The following HIVEP3 variants were observed in gnomAD, a reference collection of about 807,000 sequenced individuals.
HIVEP3 encodes transcription factor HIVEP3.
Under a neutral mutation model 152.8 loss-of-function variants are expected in HIVEP3, and 49 were observed. The observed-to-expected ratio is 0.32, with a 90% CI of 0.26 to 0.41. The LOEUF (loss-of-function observed/expected upper bound fraction) is 0.41, where lower values mean the gene tolerates loss of function less well. Among genes scored for constraint, HIVEP3 ranks in the 10% least tolerant of loss-of-function variants. The pLI is 1.00. For synonymous variants in HIVEP3, 1,269 were observed against 1,289.0 expected (o/e 0.98, Z 0.33); for missense variants, 2,790 against 3,103.3 (o/e 0.90, Z 2.40).
intron 2 of HIVEP3, among the ~76,000 whole-genome samples, chr1:41,652,303 A>G (rs1482109165): frequency 6.6e-6 from 1 of 152,194 alleles, no homozygotes; most frequent in East Asian, 1.9e-4. Flanking sequence ...TCTGTTATTT[A>G]TCCTTTGCTT....
intron 1 of HIVEP3, among the ~76,000 whole-genome samples, chr1:42,022,277 C>T (rs1237852359): frequency 6.6e-6 from 1 of 152,176 alleles, no homozygotes; most frequent in Non-Finnish European, 1.5e-5. Flanking sequence ...TCTCCTTCCA[C>T]TCTGATGAGA....
intron 1 of HIVEP3, among the ~76,000 whole-genome samples, chr1:41,741,726 A>G (rs182128720): frequency 6.6e-6 from 1 of 152,346 alleles, no homozygotes; most frequent in East Asian, 1.9e-4. Context: ...GGAAACGAAC[A>G]GCCTGAATTT....
At chr1:41,620,945 C>A (rs750226799) in intron 3 of HIVEP3, among the ~76,000 whole-genome samples, 1 of 152,182 alleles carries the variant, frequency 6.6e-6, no homozygotes, top group Non-Finnish European at 1.5e-5. Flanking sequence ...GAGGACCACC[C>A]GAGGCCCTGA....
chr1:41,575,046 G>A (rs143448782), intron 5 of HIVEP3, among the ~76,000 whole-genome samples: 2 of 152,318 alleles, frequency 1.3e-5, no homozygotes, highest in African/African-American at 4.8e-5. Context: ...TCAGGATAGG[G>A]ACCAGTGGAA....
intron 3 of HIVEP3, among the ~76,000 whole-genome samples, chr1:41,612,417 C>A (rs777825611): frequency 4.6e-5 from 7 of 152,224 alleles, no homozygotes; most frequent in Non-Finnish European, 8.8e-5. Flanking sequence ...CCTTGCAGAC[C>A]TCCTGTTCAT....
At chr1:41,810,423 CTCCA>C (rs1189916592) in intron 1 of HIVEP3, among the ~76,000 whole-genome samples, 3 of 152,226 alleles carry the variant, frequency 2.0e-5, no homozygotes, top group East Asian at 1.9e-4. Context: ...ACCAAGAAGA[CTCCA>C]TCCAGAGAGA....
At position 41,582,332 on chromosome 1, in the gene HIVEP3, G is replaced by T. The variant is rs772303614; in HGVS notation, c.2466C>A (p.Asp822Glu). The T allele has an allele frequency of 5.0e-5, 80 of 1,614,044 alleles. No homozygotes were observed. Among genetic ancestry groups the T allele is most frequent in the Non-Finnish European group, 6.8e-5 (80 of 1,180,020 alleles). Reference protein sequence around the residue: ...LEQPSGLEGEDKPLAQFPSPP... With the variant: ...LEQPSGLEGEEKPLAQFPSPP... Reference sequence around the variant, plus strand: ...GTGATGGGAACTGGGCCAGAGGTTTGTCTTCCCCTTCCAAGCCACTCGGCT... The same window carrying T: ...GTGATGGGAACTGGGCCAGAGGTTTTTCTTCCCCTTCCAAGCCACTCGGCT... The change falls in exon 4 of 9, where the codon GAC becomes GAA. Residue 822 changes from aspartate to glutamate, a missense_variant. Coordinates refer to ENST00000372583, the MANE Select transcript of HIVEP3 (RefSeq NM_024503.5). This position sits in a 1 kb window ranked among gnomAD's most constrained non-coding sequence, Gnocchi z 4.7.
intron 1 of HIVEP3, among the ~76,000 whole-genome samples, chr1:41,927,639 TA>T (rs1644974647): frequency 6.6e-6 from 1 of 152,134 alleles, no homozygotes; most frequent in Non-Finnish European, 1.5e-5. Flanking sequence ...GCTGTGTAGC[TA>T]AAAACAATTG....
intron 2 of HIVEP3, among the ~76,000 whole-genome samples, chr1:41,661,660 C>T (rs761808340): frequency 6.6e-6 from 1 of 152,250 alleles, no homozygotes; most frequent in African/African-American, 2.4e-5. Flanking sequence ...CAGACTGAAA[C>T]TGCATGGCCT....
intron 3 of HIVEP3, among the ~76,000 whole-genome samples, chr1:41,622,762 G>T (rs1480263845): frequency 1.3e-5 from 2 of 152,244 alleles, no homozygotes; most frequent in Non-Finnish European, 2.9e-5. Flanking sequence ...GCTGGGATGT[G>T]CTGGAGCAGG....
chr1:41,833,647 G>A (rs1437828881), intron 1 of HIVEP3, among the ~76,000 whole-genome samples: 1 of 152,126 alleles, frequency 6.6e-6, no homozygotes, highest in Admixed American at 6.5e-5. Context: ...GCTCAAGGAG[G>A]AGCTGGACAT....
rs557054496 is a variant in HIVEP3, at chr1:41,744,160, T to A, written c.-800-43165A>T. Among the ~76,000 whole-genome samples the A allele has an allele frequency of 1.8e-3, 277 of 152,238 alleles. 1 individual carries two copies. The highest frequency in any genetic ancestry group is 6.1e-3 in the African/African-American group (254 of 41,544). ...TTCAAGCGATTCTCCTGCCTCAACCTCCCAAGTAGCTGGGACTACAGGCGC... is the reference window on the plus strand; with the variant it reads ...TTCAAGCGATTCTCCTGCCTCAACCACCCAAGTAGCTGGGACTACAGGCGC... On this transcript the variant is annotated intron_variant, in intron 1 of 8. Coordinates refer to ENST00000372583, the MANE Select transcript of HIVEP3 (RefSeq NM_024503.5).
At position 41,576,285 on chromosome 1, in the gene HIVEP3, C is replaced by G. The variant is rs116345413; in HGVS notation, c.5062-596G>C. On this transcript the variant is annotated intron_variant, in intron 4 of 8. Transcript: ENST00000372583. ...AGGACCCTGACCAGCAGGACGTCCC[C>G]AATTCCACCATAGAGACAGGCACAG... is the stretch of plus-strand genomic sequence containing the variant. 4.7e-3 allele frequency among the ~76,000 whole-genome samples: 716 copies of G among 152,318 alleles called. 6 individuals carry two copies. The highest frequency in any genetic ancestry group is 0.016 in the African/African-American group (684 of 41,578).
At chr1:41,925,877 C>A (rs904486879) in intron 1 of HIVEP3, among the ~76,000 whole-genome samples, 5 of 152,174 alleles carry the variant, frequency 3.3e-5, no homozygotes, top group Non-Finnish European at 5.9e-5. Context: ...CTACATTTCC[C>A]AGCCTGTCTT....
chr1:41,678,116 T>C (rs866728496), intron 2 of HIVEP3, among the ~76,000 whole-genome samples: 3 of 152,310 alleles, frequency 2.0e-5, no homozygotes, highest in Middle Eastern at 6.8e-3. Flanking sequence ...ACGTGGCTGT[T>C]GGGGAGATTT....
At chr1:41,934,781 G>A (rs1012399799) in intron 1 of HIVEP3, among the ~76,000 whole-genome samples, 13 of 152,108 alleles carry the variant, frequency 8.5e-5, no homozygotes, top group Admixed American at 5.2e-4. Context: ...AAAGTGGAGG[G>A]CAGAATCTGT....
chr1:41,518,899 C>G (rs1642683884), intron 6 of HIVEP3, among the ~76,000 whole-genome samples: 1 of 149,710 alleles, frequency 6.7e-6, no homozygotes, highest in Non-Finnish European at 1.5e-5. Context: ...TTGGCCATCT[C>G]AAGTGTGGGA....
intron 1 of HIVEP3, among the ~76,000 whole-genome samples, chr1:41,888,845 C>A (rs1644396844): frequency 7.0e-6 from 1 of 143,484 alleles, no homozygotes; most frequent in Admixed American, 7.0e-5. Context: ...CACACATGCC[C>A]CCATACCACA....
intron 1 of HIVEP3, among the ~76,000 whole-genome samples, chr1:41,731,240 G>A (rs1055005482): frequency 2.0e-5 from 3 of 152,030 alleles, no homozygotes; most frequent in Admixed American, 6.6e-5. Flanking sequence ...TAATACTGAG[G>A]ATTCTCCTTG....
Sources: allele counts gnomAD v4.1 joint callset (sites outside exome capture counted in the v4.1 genomes callset), GRCh38; gene constraint gnomAD v4.1.1; non-coding constraint Gnocchi (gnomAD v3.1); transcripts MANE v1.5; gene names NCBI Gene and HGNC (gene_info 2026-07-23, HGNC 2026-07-21).